The following PAG1 variants were observed in gnomAD, a reference collection of about 807,000 sequenced individuals.
PAG1 encodes the protein phosphoprotein associated with glycosphingolipid-enriched microdomains 1.
PAG1 carries 23 observed loss-of-function variants against 31.7 expected under a neutral mutation model. That is an observed-to-expected ratio of 0.73 (90% confidence interval 0.52 to 1.03). The LOEUF (loss-of-function observed/expected upper bound fraction) is 1.03. Among genes scored for constraint, PAG1 ranks in the 50% least tolerant of loss-of-function variants. PAG1 has a pLI of 0.00. For synonymous variants in PAG1, 214 were observed against 210.3 expected, an observed-to-expected ratio of 1.02 and a Z score of -0.15; for missense variants, 473 against 540.7, an observed-to-expected ratio of 0.87 and a Z score of 1.24.
rs1387779330 is a variant in PAG1, at chr8:81,111,791, G to A, written c.-434C>T. On this transcript the variant is annotated 5_prime_UTR_variant, in exon 1 of 9. Transcript: ENST00000220597. ...TCGCCAGGGCACACGACTCAGCGAG[G>A]CGGCGGCTGGGACTGAGGCTACTGC... is the stretch of plus-strand genomic sequence containing the variant. 1 of 152,316 alleles carries A rather than the reference G, an allele frequency of 6.6e-6. No homozygotes were observed. Among genetic ancestry groups the A allele is most frequent in the Admixed American group, 6.5e-5 (1 of 15,290 alleles). 9.4% of individuals were successfully genotyped at this position (152,316 alleles called of 1,614,324 possible). A position where few individuals can be genotyped will look rare whatever the true frequency, so the allele number is the denominator to read the frequency against.
chr8:81,069,744 T>C lies in PAG1; in HGVS notation c.-175+368A>G, dbSNP rs572344488. 4.6e-5 allele frequency among the ~76,000 whole-genome samples: 7 copies of C among 152,304 alleles called. No homozygotes were observed. In the East Asian group the frequency reaches 9.6e-4, roughly 21 times the overall value. ...TCTCTCTATCAAGCCCATGAGACTATCCAATTATTATCCCTGTCTCAAAGA... is the reference window on the plus strand; with the variant it reads ...TCTCTCTATCAAGCCCATGAGACTACCCAATTATTATCCCTGTCTCAAAGA... On this transcript the variant is annotated intron_variant, in intron 2 of 8. Coordinates refer to ENST00000220597, the MANE Select transcript of PAG1 (RefSeq NM_018440.4).
chr8:81,017,478 C>T (rs575679834), intron 3 of PAG1, among the ~76,000 whole-genome samples: 3 of 152,266 alleles, frequency 2.0e-5, no homozygotes, highest in East Asian at 3.9e-4. Context: ...AAACACCATG[C>T]GTTGACAAAA....
intron 1 of PAG1, among the ~76,000 whole-genome samples, chr8:81,088,386 T>C (rs1222532713): frequency 6.6e-6 from 1 of 152,230 alleles, no homozygotes; most frequent in African/African-American, 2.4e-5. Context: ...CTCTCTTATT[T>C]TTTTCTCTAC....
intron 6 of PAG1, among the ~76,000 whole-genome samples, chr8:80,986,037 C>T (rs1056229432): frequency 2.6e-5 from 4 of 152,174 alleles, no homozygotes; most frequent in Non-Finnish European, 4.4e-5. Flanking sequence ...CTTTGTCAAC[C>T]GTGTTGTGAG....
chr8:81,002,755 TTTC>T (rs1807809201), intron 3 of PAG1, among the ~76,000 whole-genome samples: 1 of 152,196 alleles, frequency 6.6e-6, no homozygotes, highest in African/African-American at 2.4e-5. Flanking sequence ...AGGCAAAATA[TTTC>T]TTGATTCATA....
chr8:81,035,892 T>C (rs936269906), intron 2 of PAG1, among the ~76,000 whole-genome samples: 2 of 151,336 alleles, frequency 1.3e-5, no homozygotes, highest in Non-Finnish European at 3.0e-5. Flanking sequence ...TGTATATATG[T>C]ATTAACATAT....
chr8:81,014,923 T>G (rs1808047360), intron 3 of PAG1, among the ~76,000 whole-genome samples: 1 of 152,196 alleles, frequency 6.6e-6, no homozygotes, highest in South Asian at 2.1e-4. Flanking sequence ...TAAAGCAGGC[T>G]GAAGTCAGGA....
chr8:81,062,608 T>A lies in PAG1; in HGVS notation c.-175+7504A>T, dbSNP rs1426507840. On this transcript the variant is annotated intron_variant, in intron 2 of 8. Coordinates refer to ENST00000220597, the MANE Select transcript of PAG1 (RefSeq NM_018440.4). ...ATAAGAAACACTAGAAAAAAAATTA[T>A]TTATTTAATTTACTGCTGGCTGATT... 2.0e-5 allele frequency among the ~76,000 whole-genome samples: 3 copies of A among 152,238 alleles called. No homozygotes were observed. The East Asian group carries it at 5.8e-4, about 29-fold the overall frequency.
intron 2 of PAG1, among the ~76,000 whole-genome samples, chr8:81,069,520 T>TAA (rs1356700132): frequency 6.6e-6 from 1 of 152,262 alleles, no homozygotes; most frequent in Non-Finnish European, 1.5e-5. Context: ...GTCTTTGTGT[T>TAA]AACCTGTTCA....
chr8:81,058,362 C>T (rs1808862252), intron 2 of PAG1, among the ~76,000 whole-genome samples: 1 of 152,142 alleles, frequency 6.6e-6, no homozygotes, highest in African/African-American at 2.4e-5. Flanking sequence ...TTAAAAAATG[C>T]CAGGCAAGTG....
intron 5 of PAG1, among the ~76,000 whole-genome samples, chr8:80,988,558 C>T (rs901746999): frequency 1.3e-5 from 2 of 151,946 alleles, no homozygotes; most frequent in African/African-American, 4.8e-5. Context: ...ACTCCTGGGC[C>T]CAAGAGATCC....
At chr8:81,007,636 CAA>C (rs58612249) in intron 3 of PAG1, among the ~76,000 whole-genome samples, 9 of 49,728 alleles carry the variant, frequency 1.8e-4, no homozygotes, top group African/African-American at 4.3e-4. Flanking sequence ...GACTCTGTCT[CAA>C]AAAAAAAAAA....
chr8:81,043,699 AT>A (rs1447415253), intron 2 of PAG1, among the ~76,000 whole-genome samples: 12 of 152,228 alleles, frequency 7.9e-5, no homozygotes, highest in Non-Finnish European at 7.3e-5. Context: ...GTGAGTATAG[AT>A]AGGATTCCTA....
At chr8:81,110,145 CT>C (rs1809751909) in intron 1 of PAG1, among the ~76,000 whole-genome samples, 1 of 152,170 alleles carries the variant, frequency 6.6e-6, no homozygotes, top group Admixed American at 6.5e-5. Context: ...GCACTTCTCT[CT>C]TCAAAGATTA....
chr8:80,979,044 A>T (rs1807242083), intron 8 of PAG1, among the ~76,000 whole-genome samples: 2 of 152,216 alleles, frequency 1.3e-5, no homozygotes, highest in Admixed American at 1.3e-4. Context: ...GGACTGTTTA[A>T]CATTAAATTA....
At chr8:81,031,499 T>G (rs915299879) in intron 2 of PAG1, among the ~76,000 whole-genome samples, 3 of 152,224 alleles carry the variant, frequency 2.0e-5, no homozygotes, top group Non-Finnish European at 2.9e-5. Context: ...ACCTCTCCAC[T>G]TTTTCTTGTC....
Position 81,062,890 on chromosome 8 carries a change from C to T in PAG1, c.-175+7222G>A, listed in dbSNP as rs113763200. On this transcript the variant is annotated intron_variant, in intron 2 of 8. Coordinates refer to ENST00000220597, the MANE Select transcript of PAG1 (RefSeq NM_018440.4). ...ATAATTAAATTTCACTATGGCTGGT[C>T]TAAAATCTATTCTAGAAAATATTAC... Among the ~76,000 whole-genome samples the T allele has an allele frequency of 1.1e-4, 17 of 152,192 alleles. 1 individual carries two copies. The highest frequency in any genetic ancestry group is 4.1e-4 in the African/African-American group (17 of 41,532).
At chr8:81,011,291 G>A (rs1169464427) in intron 3 of PAG1, among the ~76,000 whole-genome samples, 1 of 152,134 alleles carries the variant, frequency 6.6e-6, no homozygotes, top group Non-Finnish European at 1.5e-5. Flanking sequence ...AGACCTGGCG[G>A]GAGATAACTG....
intron 1 of PAG1, among the ~76,000 whole-genome samples, chr8:81,105,854 G>A (rs1809685434): frequency 6.6e-6 from 1 of 152,120 alleles, no homozygotes; most frequent in Admixed American, 6.5e-5. Flanking sequence ...ATGCAACCCT[G>A]GGGCTCTCTC....
Sources: gnomAD v4.1 joint callset for allele counts (sites outside exome capture counted in the v4.1 genomes callset) on GRCh38, gnomAD v4.1.1 for gene constraint, MANE v1.5 for transcripts, NCBI Gene and HGNC (gene_info 2026-07-23, HGNC 2026-07-21) for gene names.